SLC25A13: variants seen among roughly 807,000 people sequenced by gnomAD.
SLC25A13 encodes solute carrier family 25 member 13, also known as electrogenic aspartate/glutamate antiporter SLC25A13, mitochondrial.
SLC25A13 carries 70 observed loss-of-function variants against 85.5 expected under a neutral mutation model. The observed-to-expected ratio is 0.82, with a 90% CI of 0.68 to 1.00. The LOEUF (loss-of-function observed/expected upper bound fraction) is 1.00. SLC25A13 is among the 50% of genes least tolerant of loss of function. The pLI, the probability that SLC25A13 is intolerant of heterozygous loss-of-function variation, is 0.00. For missense variants in SLC25A13, 765 were observed against 819.8 expected, an observed-to-expected ratio of 0.93 and a Z score of 0.82; for synonymous variants, 259 against 288.7, an observed-to-expected ratio of 0.90 and a Z score of 1.04.
chr7:96,294,984 A>G (rs866800335), intron 2 of SLC25A13, among the ~76,000 whole-genome samples: 1 of 152,218 alleles, frequency 6.6e-6, no homozygotes, highest in Non-Finnish European at 1.5e-5. Flanking sequence ...GAATCAATAC[A>G]TAACACATAT....
intron 2 of SLC25A13, among the ~76,000 whole-genome samples, chr7:96,281,208 T>C (rs78687070): frequency 6.6e-6 from 1 of 151,974 alleles, no homozygotes; most frequent in Non-Finnish European, 1.5e-5. Flanking sequence ...CTGGCCAACA[T>C]GGTGAAACCC....
chr7:96,139,887 T>C lies in SLC25A13; in HGVS notation c.1452+6669A>G, dbSNP rs142240766. ...TTTGGGTTATTTCATAGCTTGTCTA[T>C]TGTAATAATGTTGCAATGAACCTGG... On this transcript the variant is annotated intron_variant, in intron 14 of 17. Coordinates refer to ENST00000265631, the MANE Select transcript of SLC25A13 (RefSeq NM_014251.3). 1.6e-3 allele frequency among the ~76,000 whole-genome samples: 247 copies of C among 152,174 alleles called. 1 individual carries two copies. The highest frequency in any genetic ancestry group is 5.6e-3 in the African/African-American group (234 of 41,532).
chr7:96,151,610 T>A (rs975507380), intron 13 of SLC25A13, among the ~76,000 whole-genome samples: 1 of 138,264 alleles, frequency 7.2e-6, no homozygotes, highest in Non-Finnish European at 1.6e-5. Context: ...AAAAAAAAAA[T>A]TGTTTTTTGG....
chr7:96,261,519 G>T (rs1454165505), intron 3 of SLC25A13, among the ~76,000 whole-genome samples: 1 of 152,042 alleles, frequency 6.6e-6, no homozygotes, highest in African/African-American at 2.4e-5. Flanking sequence ...TTCACCTTTT[G>T]CTTATTCCAG....
In SLC25A13 at chr7:96,233,366, AT is replaced by A. The variant is rs1392116833; in HGVS notation, c.328+1435del. Among the ~76,000 whole-genome samples the A allele has an allele frequency of 2.0e-5, 3 of 152,348 alleles. No homozygotes were observed. The East Asian group carries it at 5.8e-4, about 29-fold the overall frequency. On this transcript the variant is annotated intron_variant, in intron 4 of 17. Transcript: ENST00000265631. ...AAATGGGGACTTTCTAAAAATTGGT[AT>A]TCCATTGAAAAGTTGTGGTTGCAGT...
chr7:96,232,099 A>G (rs1796560474), intron 4 of SLC25A13, among the ~76,000 whole-genome samples: 1 of 152,222 alleles, frequency 6.6e-6, no homozygotes, highest in Non-Finnish European at 1.5e-5. Flanking sequence ...TACCCAAAGA[A>G]ATATAAACAT....
At chr7:96,318,227 G>A (rs1005484874) in intron 1 of SLC25A13, among the ~76,000 whole-genome samples, 2 of 152,148 alleles carry the variant, frequency 1.3e-5, no homozygotes, top group Non-Finnish European at 2.9e-5. Flanking sequence ...ACTCAAGGGA[G>A]CATATTCTAA....
Position 96,254,252 on chromosome 7 carries a change from G to A in SLC25A13, c.213-19335C>T, listed in dbSNP as rs374982831. Among the ~76,000 whole-genome samples, 8 of 152,314 alleles carry A rather than the reference G, an allele frequency of 5.3e-5. No homozygotes were observed. In the East Asian group the frequency reaches 9.7e-4, roughly 18 times the overall value. On this transcript the variant is annotated intron_variant, in intron 3 of 17. Transcript: ENST00000265631. ...TGTGGTAGGCAACATCCAATCCACTGAGGTCCTGAATAAACCAAAAAGGTG... is the reference window on the plus strand; with the variant it reads ...TGTGGTAGGCAACATCCAATCCACTAAGGTCCTGAATAAACCAAAAAGGTG...
intron 13 of SLC25A13, among the ~76,000 whole-genome samples, chr7:96,147,928 T>TC (rs1792869375): frequency 6.6e-6 from 1 of 150,652 alleles, no homozygotes; most frequent in Admixed American, 6.6e-5. Flanking sequence ...ATCTTTCTTT[T>TC]CCTTTTTTTT....
chr7:96,265,624 A>AT (rs1202983387), intron 3 of SLC25A13, among the ~76,000 whole-genome samples: 3 of 152,326 alleles, frequency 2.0e-5, no homozygotes, highest in Admixed American at 1.3e-4. Flanking sequence ...AAAATCAATG[A>AT]TTTTGACTGC....
At chr7:96,178,832 G>A (rs1425699895) in intron 11 of SLC25A13, among the ~76,000 whole-genome samples, 2 of 152,130 alleles carry the variant, frequency 1.3e-5, no homozygotes, top group Non-Finnish European at 2.9e-5. Context: ...CCCTAGGCAT[G>A]AGGCATTTCC....
intron 15 of SLC25A13, 49 bp downstream of exon 15, chr7:96,131,694 G>C (rs181566129): frequency 3.1e-6 from 5 of 1,612,252 alleles, no homozygotes; most frequent in Non-Finnish European, 4.2e-6. Flanking sequence ...CTAGGGAAGG[G>C]GGGCAGCAAG....
chr7:96,321,468 C>G (rs982505069), intron 1 of SLC25A13, among the ~76,000 whole-genome samples: 6 of 152,202 alleles, frequency 3.9e-5, no homozygotes, highest in African/African-American at 1.4e-4. Flanking sequence ...CTTCCCCACC[C>G]GCGGGAGGGC....
intron 2 of SLC25A13, among the ~76,000 whole-genome samples, chr7:96,288,099 T>G (rs1263497209): frequency 6.6e-6 from 1 of 152,212 alleles, no homozygotes; most frequent in Non-Finnish European, 1.5e-5. Context: ...TTTTCTGGAC[T>G]TTCATCCTCC....
At chr7:96,321,751 T>A (rs1800353907) in intron 1 of SLC25A13, among the ~76,000 whole-genome samples, 191 bp downstream of exon 1, 2 of 152,318 alleles carry the variant, frequency 1.3e-5, no homozygotes, top group Middle Eastern at 6.8e-3. Flanking sequence ...GGCCTCGGTC[T>A]CTGCACCGAC....
chr7:96,246,450 C>T (rs549727525), intron 3 of SLC25A13, among the ~76,000 whole-genome samples: 2 of 151,348 alleles, frequency 1.3e-5, no homozygotes, highest in South Asian at 2.1e-4. Context: ...CTAAAACGAA[C>T]AAAAGGCACA....
chr7:96,172,274 G>A (rs946171021), intron 11 of SLC25A13, among the ~76,000 whole-genome samples: 1 of 152,102 alleles, frequency 6.6e-6, no homozygotes, highest in African/African-American at 2.4e-5. Flanking sequence ...AAAGATCAAT[G>A]AGGCCAGGCA....
intron 3 of SLC25A13, among the ~76,000 whole-genome samples, chr7:96,256,730 C>T (rs1407955200): frequency 6.6e-6 from 1 of 152,160 alleles, no homozygotes; most frequent in Admixed American, 6.5e-5. Context: ...TAATAGACAG[C>T]TATAGAACTC....
In SLC25A13 at chr7:96,232,661, A is replaced by C. The variant is rs1295187562; in HGVS notation, c.328+2141T>G. Among the ~76,000 whole-genome samples the C allele has an allele frequency of 1.8e-3, 269 of 151,748 alleles. 4 individuals are homozygous for C. Among genetic ancestry groups the C allele is most frequent in the Non-Finnish European group, 2.2e-4 (15 of 67,942 alleles). On this transcript the variant is annotated intron_variant, in intron 4 of 17. Transcript: ENST00000265631. ...CCAAAGAAAAATGAAAAAAAAAAAAAAAAACAGAAAATCTTTTCCTCTTTT... is the reference window on the plus strand; with the variant it reads ...CCAAAGAAAAATGAAAAAAAAAAAACAAAACAGAAAATCTTTTCCTCTTTT...
Sources: allele counts gnomAD v4.1 joint callset (sites outside exome capture counted in the v4.1 genomes callset), GRCh38; gene constraint gnomAD v4.1.1; transcripts MANE v1.5; gene names NCBI Gene and HGNC (gene_info 2026-07-23, HGNC 2026-07-21).